The following WTIP variants were observed in gnomAD, a reference collection of about 807,000 sequenced individuals.
WTIP encodes Wilms tumor protein 1-interacting protein.
Under a neutral mutation model 41.7 loss-of-function variants are expected in WTIP, and 23 were observed. The ratio of observed to expected loss-of-function variants is 0.55; its 90% CI spans 0.40 to 0.78. The LOEUF is 0.78. Ranked by LOEUF, WTIP falls within the 30% of genes least tolerant of loss-of-function variation. The probability of loss-of-function intolerance (pLI) is 0.00; values close to 1 mark genes in which losing one functional copy is unlikely to be tolerated. For missense variants in WTIP, 619 were observed against 610.5 expected (o/e 1.01, Z -0.15); for synonymous variants, 314 against 269.9 (o/e 1.16, Z -1.60).
rs1008170450 is a variant in WTIP at position 34,501,243 on chromosome 19, G to C, written c.*974G>C. ...CACAAGTGTCTAGTTTGTCTGTTAC[G>C]GAGCTGGTTTTCAGGTGGTAAGAAC... On this transcript the variant is annotated 3_prime_UTR_variant, in exon 8 of 8. Transcript: ENST00000590071. 2.4e-4 allele frequency: 37 copies of C among 152,616 alleles called. No homozygotes were observed. The highest frequency in any genetic ancestry group is 8.9e-4 in the African/African-American group (37 of 41,448). The allele number at this position is 152,616 out of a possible 1,614,324, so 9.5% of individuals were successfully genotyped here.
intron 1 of WTIP, among the ~76,000 whole-genome samples, chr19:34,485,869 A>T (rs973649135): frequency 1.3e-5 from 2 of 152,184 alleles, no homozygotes; most frequent in African/African-American, 4.8e-5. Flanking sequence ...TTGGGATTAC[A>T]GGCGGGAGCC....
intron 7 of WTIP, among the ~76,000 whole-genome samples, chr19:34,498,017 A>G (rs1426223826): frequency 6.6e-6 from 1 of 151,568 alleles, no homozygotes; most frequent in Non-Finnish European, 1.5e-5. Context: ...GGGACCCCGC[A>G]CTCCTCCCTG....
chr19:34,485,541 G>A (rs538402549), intron 1 of WTIP, among the ~76,000 whole-genome samples: 5 of 152,134 alleles, frequency 3.3e-5, no homozygotes, highest in South Asian at 2.1e-4. Context: ...GCATAAGCTC[G>A]AGTGATCTCT....
chr19:34,508,021 G>A lies in WTIP; in HGVS notation c.*7752G>A, dbSNP rs2075919649. 1 of 152,156 alleles carries A rather than the reference G, an allele frequency of 6.6e-6. No individual in the cohort carries two copies. The highest frequency in any genetic ancestry group is 1.5e-5 in the Non-Finnish European group (1 of 68,052). 9.4% of individuals were successfully genotyped at this position (152,156 alleles called of 1,614,324 possible). On this transcript the variant is annotated 3_prime_UTR_variant, in exon 8 of 8. Coordinates refer to ENST00000590071, the MANE Select transcript of WTIP (RefSeq NM_001080436.2). ...CATCTTCCTCCTGCTCCATGTGGTT[G>A]AAATCTCAGGTCCTCTAAGGATCCC...
intron 1 of WTIP, among the ~76,000 whole-genome samples, chr19:34,488,068 C>T (rs1055038756): frequency 6.6e-6 from 1 of 151,964 alleles, no homozygotes; most frequent in Non-Finnish European, 1.5e-5. Context: ...TCATGTCTGT[C>T]TGCTTCCTTT....
At chr19:34,498,962 C>T (rs983043684) in intron 7 of WTIP, among the ~76,000 whole-genome samples, 1 of 152,056 alleles carries the variant, frequency 6.6e-6, no homozygotes, top group African/African-American at 2.4e-5. Context: ...AATCCCAGCA[C>T]TTTGGGAGGC....
At chr19:34,494,068 C>T (rs2075840359) in intron 5 of WTIP, among the ~76,000 whole-genome samples, 1 of 152,178 alleles carries the variant, frequency 6.6e-6, no homozygotes, top group South Asian at 2.1e-4. Flanking sequence ...TGAGCAGGGC[C>T]TTCCGTGGGA....
At chr19:34,494,661 G>C in intron 6 of WTIP, 24 bp downstream of exon 6, 2 of 1,610,468 alleles carry the variant, frequency 1.2e-6, no homozygotes, top group Non-Finnish European at 1.7e-6. Flanking sequence ...ACCCAGAGAT[G>C]ATCAGGTGCC....
chr19:34,484,958 T>G (rs886625840), intron 1 of WTIP, among the ~76,000 whole-genome samples: 1 of 144,178 alleles, frequency 6.9e-6, no homozygotes, highest in Non-Finnish European at 1.5e-5. Flanking sequence ...AAAAAAAAGC[T>G]GCTCAGATCG....
chr19:34,491,410 G>A (rs1037484293), intron 2 of WTIP, among the ~76,000 whole-genome samples: 2 of 151,630 alleles, frequency 1.3e-5, no homozygotes, highest in African/African-American at 2.4e-5. Flanking sequence ...TGCAACCTCC[G>A]TCTCCCTGGT....
chr19:34,490,449 C>T lies in WTIP; in HGVS notation c.741C>T (p.His247=). ...GCCAGGCAATGGGGAGTCTTTATCACACTGACTGCTTCACCTGCGACTCGT... is the reference window on the plus strand; with the variant it reads ...GCCAGGCAATGGGGAGTCTTTATCATACTGACTGCTTCACCTGCGACTCGT... ...QACQAMGSLY[H]TDCFTCDSCG... is the part of the protein sequence containing the mutation. Residue 247 remains histidine (H), a synonymous_variant, in exon 2 of 8, where the codon CAC becomes CAT. Transcript: ENST00000590071. 6.2e-7 allele frequency: 1 copy of T among 1,613,998 alleles called. No homozygotes were observed. The highest frequency in any genetic ancestry group is 8.5e-7 in the Non-Finnish European group (1 of 1,179,874).
rs1484709882 is a variant in WTIP at position 34,506,904 on chromosome 19, A to G, written c.*6635A>G. On this transcript the variant is annotated 3_prime_UTR_variant, in exon 8 of 8. Transcript: ENST00000590071. ...TTGAAGGTAAGAAAGAGCGGGAGAAACTTTGCTCTTTTCATTTAATAATTG... is the reference window on the plus strand; with the variant it reads ...TTGAAGGTAAGAAAGAGCGGGAGAAGCTTTGCTCTTTTCATTTAATAATTG... The G allele has an allele frequency of 6.6e-6, 1 of 151,794 alleles. No homozygotes were observed. Among genetic ancestry groups the G allele is most frequent in the Non-Finnish European group, 1.5e-5 (1 of 67,944 alleles). 9.4% of individuals were successfully genotyped at this position (151,794 alleles called of 1,614,324 possible).
intron 1 of WTIP, among the ~76,000 whole-genome samples, chr19:34,484,768 T>C (rs1482872502): frequency 6.6e-6 from 1 of 151,822 alleles, no homozygotes; most frequent in South Asian, 2.1e-4. Flanking sequence ...ACATTTTTTT[T>C]CTGAGGAGCT....
intron 1 of WTIP, among the ~76,000 whole-genome samples, chr19:34,489,068 A>G (rs909503380): frequency 6.6e-6 from 1 of 151,778 alleles, no homozygotes; most frequent in Non-Finnish European, 1.5e-5. Context: ...GTGTGGTGGC[A>G]CATGCCTGTA....
chr19:34,484,524 G>A (rs1224560073), intron 1 of WTIP, among the ~76,000 whole-genome samples: 1 of 152,156 alleles, frequency 6.6e-6, no homozygotes, highest in Non-Finnish European at 1.5e-5. Flanking sequence ...GCCAGGAGCT[G>A]TCATCTCCCG....
At chr19:34,497,109 C>G (rs2075858549) in intron 7 of WTIP, among the ~76,000 whole-genome samples, 1 of 152,086 alleles carries the variant, frequency 6.6e-6, no homozygotes, top group African/African-American at 2.4e-5. Flanking sequence ...GTGATCCACC[C>G]GCCTTGGCCT....
chr19:34,485,048 G>A (rs1169788203), intron 1 of WTIP, among the ~76,000 whole-genome samples: 2 of 151,490 alleles, frequency 1.3e-5, no homozygotes, highest in Non-Finnish European at 2.9e-5. Context: ...ACTAGAAATT[G>A]AGATTCAGTA....
chr19:34,489,625 T>G (rs1164892868), intron 1 of WTIP, among the ~76,000 whole-genome samples: 1 of 108,778 alleles, frequency 9.2e-6, no homozygotes, highest in African/African-American at 6.7e-5. Flanking sequence ...TGAAAGGGCT[T>G]AAAGCAACTG....
Position 34,509,542 on chromosome 19 carries a change from C to G in WTIP, c.*9273C>G, listed in dbSNP as rs533962225. 6.6e-6 allele frequency: 1 copy of G among 152,298 alleles called. No homozygotes were observed. The highest frequency in any genetic ancestry group is 6.5e-5 in the Admixed American group (1 of 15,306). 9.4% of individuals were successfully genotyped at this position (152,298 alleles called of 1,614,324 possible). A position where few individuals can be genotyped will look rare whatever the true frequency, so the allele number is the denominator to read the frequency against. On this transcript the variant is annotated 3_prime_UTR_variant, in exon 8 of 8. Coordinates refer to ENST00000590071, the MANE Select transcript of WTIP (RefSeq NM_001080436.2). ...TCAAGATGAGATTTGGGTGGAGACA[C>G]AGAGCCAAACGATATCATTCTGCCC...
Sources: allele counts gnomAD v4.1 joint callset (sites outside exome capture counted in the v4.1 genomes callset), GRCh38; gene constraint gnomAD v4.1.1; transcripts MANE v1.5; gene names NCBI Gene and HGNC (gene_info 2026-07-23, HGNC 2026-07-21).